The following SPRING1 variants were observed in gnomAD, a reference collection of about 807,000 sequenced individuals.
SPRING1 encodes the protein SREBP regulating gene protein.
Under a neutral mutation model 24.7 loss-of-function variants are expected in SPRING1, and 14 were observed. The observed-to-expected ratio is 0.57, with a 90% confidence interval of 0.37 to 0.88. SPRING1 has a LOEUF of 0.88. Ranked by LOEUF, SPRING1 falls within the 40% of genes least tolerant of loss-of-function variation. The pLI is 0.00. For synonymous variants in SPRING1, 93 were observed against 106.1 expected, an observed-to-expected ratio of 0.88 and a Z score of 0.76; for missense variants, 255 against 268.4, an observed-to-expected ratio of 0.95 and a Z score of 0.35.
chr12:116,723,036 C>T lies in SPRING1; in HGVS notation c.268+31G>A. 2.5e-6 allele frequency: 4 copies of T among 1,611,926 alleles called. 1 individual carries two copies. The highest frequency in any genetic ancestry group is 4.5e-4 in the Middle Eastern group (2 of 4,446). The stretch of plus-strand genomic sequence containing the variant: ...TGGCCCAACCAGCCTACGCTCCTGA[C>T]CGCCTGGAGAGGAAGGGAAGCCAGC... On this transcript the variant is annotated intron_variant, in intron 2 of 4. Transcript: ENST00000261318.
intron 1 of SPRING1, among the ~76,000 whole-genome samples, chr12:116,724,232 A>T (rs1381758990): frequency 6.6e-6 from 1 of 152,214 alleles, no homozygotes; most frequent in Non-Finnish European, 1.5e-5. Context: ...TTATATACTT[A>T]AAAAATGGTA....
chr12:116,719,712 T>A (rs1870323518), intron 4 of SPRING1, 51 bp downstream of exon 4: 1 of 1,505,496 alleles, frequency 6.6e-7, no homozygotes, highest in Non-Finnish European at 9.2e-7. Context: ...TCTAGTTTCC[T>A]TCTAACCCGT....
At chr12:116,736,039 TAAAAAAAAAAAAAAAA>T (rs34397599) in intron 1 of SPRING1, among the ~76,000 whole-genome samples, 27 of 35,594 alleles carry the variant, frequency 7.6e-4, no homozygotes, top group Non-Finnish European at 1.2e-3. Flanking sequence ...ACTCAGTCTT[TAAAAAAAAAAAAAAAA>T]AAAAAAAAAA....
intron 2 of SPRING1, 64 bp downstream of exon 2, chr12:116,723,003 C>G: frequency 1.3e-6 from 2 of 1,597,036 alleles, no homozygotes; most frequent in Non-Finnish European, 1.7e-6. Flanking sequence ...AAACAAAAAC[C>G]CTATGAATGG....
At chr12:116,730,732 T>TA (rs34575924) in intron 1 of SPRING1, among the ~76,000 whole-genome samples, 1 of 152,080 alleles carries the variant, frequency 6.6e-6, no homozygotes, top group Admixed American at 6.5e-5. Flanking sequence ...TATACAATAC[T>TA]AAAAAAAATC....
At position 116,711,777 on chromosome 12, in the gene SPRING1, GCTC is replaced by G. The variant is rs1370976592; in HGVS notation, c.*6030_*6032del. 4 of 152,208 alleles carry G rather than the reference GCTC, an allele frequency of 2.6e-5. No individual in the cohort carries two copies. Among genetic ancestry groups the G allele is most frequent in the Non-Finnish European group, 5.9e-5 (4 of 68,270 alleles). 9.4% of individuals were successfully genotyped at this position (152,208 alleles called of 1,614,324 possible). On this transcript the variant is annotated 3_prime_UTR_variant, in exon 5 of 5. Coordinates refer to ENST00000261318, the MANE Select transcript of SPRING1 (RefSeq NM_024738.4). ...CTACAGGTGTGCACTACCATGCCTG[GCTC>G]CTTTTTTTTATTTTTTGTAGAGACA...
chr12:116,710,541 C>A lies in SPRING1; in HGVS notation c.*7269G>T, dbSNP rs1566051421. On this transcript the variant is annotated 3_prime_UTR_variant, in exon 5 of 5. Transcript: ENST00000261318. ...CGTTGTGTGCTTCTCTGCCAAAAGG[C>A]AGCTATTTTTATGACAGAAAACACA... The A allele has an allele frequency of 1.3e-5, 2 of 152,186 alleles. No individual in the cohort carries two copies. Among genetic ancestry groups the A allele is most frequent in the Non-Finnish European group, 2.9e-5 (2 of 68,054 alleles). The allele number at this position is 152,186 out of a possible 1,614,324, so 9.4% of individuals were successfully genotyped here. A position where few individuals can be genotyped will look rare whatever the true frequency, so the allele number is the denominator to read the frequency against.
rs1201805802 is a variant in SPRING1, at chr12:116,728,427, T to C, written c.112-5204A>G. Among the ~76,000 whole-genome samples the C allele has an allele frequency of 6.6e-6, 1 of 152,120 alleles. No individual in the cohort carries two copies. Among genetic ancestry groups the C allele is most frequent in the African/African-American group, 2.4e-5 (1 of 41,434 alleles). On this transcript the variant is annotated intron_variant, in intron 1 of 4. Coordinates refer to ENST00000261318, the MANE Select transcript of SPRING1 (RefSeq NM_024738.4). This position sits in a 1 kb window ranked among gnomAD's most constrained non-coding sequence, Gnocchi z 4.2. Reference sequence around the variant, plus strand: ...GTTAAATAAATGCACCCAAGAAACCTGGTACCATTCACCATTCCCAACCCT... The same window carrying C: ...GTTAAATAAATGCACCCAAGAAACCCGGTACCATTCACCATTCCCAACCCT...
At chr12:116,735,658 G>T (rs990835155) in intron 1 of SPRING1, among the ~76,000 whole-genome samples, 1 of 151,938 alleles carries the variant, frequency 6.6e-6, no homozygotes, top group South Asian at 2.1e-4. Context: ...GCTTGAACCC[G>T]AGAGGTAGAG....
chr12:116,726,416 T>C (rs904805827), intron 1 of SPRING1, among the ~76,000 whole-genome samples: 2 of 152,218 alleles, frequency 1.3e-5, no homozygotes, highest in African/African-American at 4.8e-5. Flanking sequence ...ATTTTGTTCT[T>C]TAATTTACCG....
Position 116,732,593 on chromosome 12 carries a change from G to A in SPRING1, c.111+5197C>T, listed in dbSNP as rs147718819. Among the ~76,000 whole-genome samples, 184 of 152,360 alleles carry A rather than the reference G, an allele frequency of 1.2e-3. 2 individuals carry two copies. Among genetic ancestry groups the A allele is most frequent in the African/African-American group, 4.2e-3 (176 of 41,588 alleles). Reference sequence around the variant, plus strand: ...ATGGTGGTGCACGCCTGTAATCCCAGCTACTCAGGAGGCTGAAGCAGGAGA... The same window carrying A: ...ATGGTGGTGCACGCCTGTAATCCCAACTACTCAGGAGGCTGAAGCAGGAGA... On this transcript the variant is annotated intron_variant, in intron 1 of 4. Transcript: ENST00000261318.
At chr12:116,725,195 T>C (rs1473834470) in intron 1 of SPRING1, among the ~76,000 whole-genome samples, 1 of 152,246 alleles carries the variant, frequency 6.6e-6, no homozygotes, top group Non-Finnish European at 1.5e-5. Context: ...ACTGCAGAAG[T>C]AAACAGTTCC....
chr12:116,729,712 A>T (rs1213592069), intron 1 of SPRING1, among the ~76,000 whole-genome samples: 1 of 152,222 alleles, frequency 6.6e-6, no homozygotes, highest in African/African-American at 2.4e-5. Context: ...GCAAACGCCA[A>T]TCAAAAAAGA....
At position 116,720,996 on chromosome 12, in the gene SPRING1, G is replaced by A. The variant is rs943585134; in HGVS notation, c.269-549C>T. On this transcript the variant is annotated intron_variant, in intron 2 of 4. Transcript: ENST00000261318. The surrounding 1 kb of genome is among the most constrained non-coding windows in gnomAD (Gnocchi z 4.0). ...CTAACCCTTATAAACTGATTTATAC[G>A]TGTACGTGCCACGGACTCAATCACC... is the stretch of plus-strand genomic sequence containing the variant. 5.9e-5 allele frequency among the ~76,000 whole-genome samples: 9 copies of A among 152,152 alleles called. No homozygotes were observed. The highest frequency in any genetic ancestry group is 2.1e-4 in the South Asian group (1 of 4,824).
chr12:116,736,397 T>C (rs895280396), intron 1 of SPRING1, among the ~76,000 whole-genome samples: 1 of 152,150 alleles, frequency 6.6e-6, no homozygotes, highest in African/African-American at 2.4e-5. Context: ...AGAAGTCTGG[T>C]AGTCACATGA....
At chr12:116,719,211 G>C (rs1870301248) in intron 4 of SPRING1, among the ~76,000 whole-genome samples, 1 of 152,226 alleles carries the variant, frequency 6.6e-6, no homozygotes, top group Non-Finnish European at 1.5e-5. Context: ...TCAGCAGCAG[G>C]TGCAATAATA....
At chr12:116,735,271 G>C (rs887782504) in intron 1 of SPRING1, among the ~76,000 whole-genome samples, 1 of 152,200 alleles carries the variant, frequency 6.6e-6, no homozygotes, top group African/African-American at 2.4e-5. Context: ...ACGTCAACTA[G>C]AAAGTAGGAG....
chr12:116,731,376 G>C (rs947466168), intron 1 of SPRING1, among the ~76,000 whole-genome samples: 2 of 152,160 alleles, frequency 1.3e-5, no homozygotes, highest in African/African-American at 4.8e-5. Context: ...TGGCCTTGCA[G>C]ATCCCCTGAC....
At chr12:116,726,736 A>G (rs1870713709) in intron 1 of SPRING1, among the ~76,000 whole-genome samples, 1 of 152,236 alleles carries the variant, frequency 6.6e-6, no homozygotes, top group African/African-American at 2.4e-5. Flanking sequence ...ATAAATTAAT[A>G]GCCATAAAGA....
Sources: gnomAD v4.1 joint callset for allele counts (sites outside exome capture counted in the v4.1 genomes callset) on GRCh38, gnomAD v4.1.1 for gene constraint, Gnocchi (gnomAD v3.1) non-coding constraint, MANE v1.5 for transcripts, NCBI Gene and HGNC (gene_info 2026-07-23, HGNC 2026-07-21) for gene names.